The following VIRMA variants were observed in gnomAD, a reference collection of about 807,000 sequenced individuals.
VIRMA encodes vir like m6A methyltransferase associated, also known as protein virilizer homolog.
VIRMA carries 65 observed loss-of-function variants against 182.4 expected under a neutral mutation model. That is an observed-to-expected ratio of 0.36 (90% CI 0.29 to 0.44). The LOEUF (loss-of-function observed/expected upper bound fraction) is 0.44, where lower values mean the gene tolerates loss of function less well. Ranked by LOEUF, VIRMA falls within the 20% of genes least tolerant of loss-of-function variation. VIRMA has a pLI of 1.00. For missense variants in VIRMA, 1,752 were observed against 2,158.1 expected (o/e 0.81, Z 3.73); for synonymous variants, 709 against 743.1 (o/e 0.95, Z 0.75).
In VIRMA at chr8:94,495,867, G is replaced by A; in HGVS notation, c.4408C>T (p.Leu1470=). Residue 1470 remains leucine, a synonymous_variant, in exon 19 of 24, where the codon CTG becomes TTG. Transcript: ENST00000297591. ...ACTACACTGTCCAACAAAGAATCCA[G>A]ATTGTCATCATCTTTTGAATGTTCC... is the stretch of plus-strand genomic sequence containing the variant. The part of the protein sequence containing the change: ...VLEHSKDDDN[L]DSLLDSVVGL... The A allele has an allele frequency of 6.2e-7, 1 of 1,612,956 alleles. No homozygotes were observed. The highest frequency in any genetic ancestry group is 1.6e-4 in the Middle Eastern group (1 of 6,062).
Position 94,517,750 on chromosome 8 carries a change from C to T in VIRMA, c.2668+38G>A, listed in dbSNP as rs1254134761. Reference sequence around the variant, plus strand: ...AGATATTCAAAGGTTTGTTCCTTCACATATTACAAATGCTTAAAATAACTT... The same window carrying T: ...AGATATTCAAAGGTTTGTTCCTTCATATATTACAAATGCTTAAAATAACTT... On this transcript the variant is annotated intron_variant, in intron 10 of 23. Coordinates refer to ENST00000297591, the MANE Select transcript of VIRMA (RefSeq NM_015496.5). The T allele has an allele frequency of 2.1e-6, 3 of 1,456,394 alleles. No individual in the cohort carries two copies. The East Asian group carries it at 7.2e-5, about 35-fold the overall frequency. The allele number at this position is 1,456,394 out of a possible 1,614,324, so 90.2% of individuals were successfully genotyped here.
chr8:94,514,774 T>C (rs1248339553), intron 11 of VIRMA, 95 bp downstream of exon 11: 2 of 662,146 alleles, frequency 3.0e-6, no homozygotes, highest in Non-Finnish European at 5.3e-6. Flanking sequence ...CACTTAACAA[T>C]GTCTACATTA....
At chr8:94,502,197 T>C (rs901577916) in intron 16 of VIRMA, among the ~76,000 whole-genome samples, 1 of 152,074 alleles carries the variant, frequency 6.6e-6, no homozygotes, top group Non-Finnish European at 1.5e-5. Context: ...CTCTTTGTCT[T>C]TTTTAAGTTG....
chr8:94,521,665 C>G (rs1307984357), intron 8 of VIRMA, among the ~76,000 whole-genome samples: 1 of 152,168 alleles, frequency 6.6e-6, no homozygotes, highest in Non-Finnish European at 1.5e-5. Flanking sequence ...ATAAACCCAT[C>G]AAAATACTAC....
intron 2 of VIRMA, among the ~76,000 whole-genome samples, chr8:94,541,317 T>A (rs1423811503): frequency 6.6e-6 from 1 of 151,928 alleles, no homozygotes; most frequent in Admixed American, 6.6e-5. Flanking sequence ...AGATGAGGTC[T>A]CCAAACTCTT....
chr8:94,505,499 G>T (rs921395136), intron 16 of VIRMA, among the ~76,000 whole-genome samples: 1 of 151,712 alleles, frequency 6.6e-6, no homozygotes, highest in African/African-American at 2.4e-5. Flanking sequence ...TTGAGACAAG[G>T]TCTCCCTCTG....
rs985580551 is a variant in VIRMA at position 94,519,610 on chromosome 8, A to T, written c.2022-134T>A. On this transcript the variant is annotated intron_variant, in intron 8 of 23. Coordinates refer to ENST00000297591, the MANE Select transcript of VIRMA (RefSeq NM_015496.5). The stretch of plus-strand genomic sequence containing the variant: ...CTCAGTAATATACTGCTTTAACTGA[A>T]AACATAATGTGAGTGGCAAGTCTTC... 23 of 854,014 alleles carry T rather than the reference A, an allele frequency of 2.7e-5. No homozygotes were observed. In the African/African-American group the frequency reaches 3.9e-4, roughly 14 times the overall value. The allele number at this position is 854,014 out of a possible 1,614,324, so 52.9% of individuals were successfully genotyped here.
rs1028324992 is a variant in VIRMA, at chr8:94,511,863, T to C, written c.2845+133A>G. On this transcript the variant is annotated intron_variant, in intron 12 of 23. Transcript: ENST00000297591. ...AAATGATTTTTATTATGACAAATAT[T>C]TAATTACTTTAATTTAAAATGATAT... is the stretch of plus-strand genomic sequence containing the variant. 29 of 653,638 alleles carry C rather than the reference T, an allele frequency of 4.4e-5. No individual in the cohort carries two copies. The South Asian group carries it at 5.2e-4, about 12-fold the overall frequency. The allele number at this position is 653,638 out of a possible 1,614,324, so 40.5% of individuals were successfully genotyped here. A position where few individuals can be genotyped will look rare whatever the true frequency, so the allele number is the denominator to read the frequency against.
chr8:94,550,501 C>T (rs1382020698), intron 1 of VIRMA, among the ~76,000 whole-genome samples: 1 of 152,012 alleles, frequency 6.6e-6, no homozygotes, highest in Non-Finnish European at 1.5e-5. Flanking sequence ...ACCATGTTAG[C>T]CAGGATGGTC....
At chr8:94,489,916 T>A (rs1813556579) in intron 23 of VIRMA, 23 bp downstream of exon 23, 1 of 1,607,188 alleles carries the variant, frequency 6.2e-7, no homozygotes, top group African/African-American at 1.3e-5. Flanking sequence ...CTCTCAGCAA[T>A]ATCAAGTAGC....
rs974375285 is a variant in VIRMA, at chr8:94,499,495, T to C, written c.4109A>G (p.Lys1370Arg). ...GLFHLKSSLR[K>R]NSSALHSLLK... ...TAAACTATGCAGAGCACTACTGTTT[T>C]TCCTTAAAGAACTGTAAATAAAGAA... The change falls in exon 17 of 24, where the codon AAA becomes AGA. Residue 1370 changes from lysine (K) to arginine (R), a missense_variant. Coordinates refer to ENST00000297591, the MANE Select transcript of VIRMA (RefSeq NM_015496.5). 7 of 1,537,410 alleles carry C rather than the reference T, an allele frequency of 4.6e-6. No individual in the cohort carries two copies. Among genetic ancestry groups the C allele is most frequent in the Non-Finnish European group, 6.3e-6 (7 of 1,117,130 alleles).
chr8:94,521,688 G>C (rs1009317140), intron 8 of VIRMA, among the ~76,000 whole-genome samples: 2 of 152,108 alleles, frequency 1.3e-5, no homozygotes, highest in Non-Finnish European at 2.9e-5. Context: ...AAAAGTAAAT[G>C]ACAGGCCAGA....
At chr8:94,525,947 A>AT (rs1311091727) in intron 8 of VIRMA, among the ~76,000 whole-genome samples, 1 of 152,232 alleles carries the variant, frequency 6.6e-6, no homozygotes, top group African/African-American at 2.4e-5. Flanking sequence ...GCAGTTTCTC[A>AT]TTTATTCTTG....
chr8:94,501,714 T>C (rs978074032), intron 16 of VIRMA, among the ~76,000 whole-genome samples: 19 of 152,126 alleles, frequency 1.2e-4, no homozygotes, highest in Admixed American at 1.2e-3. Flanking sequence ...TCCCAGCATT[T>C]TGGAAGGCAG....
rs1031628021 is a variant in VIRMA, at chr8:94,548,697, C to A, written c.63+4688G>T. Among the ~76,000 whole-genome samples the A allele has an allele frequency of 2.8e-5, 4 of 144,488 alleles. 2 individuals are homozygous for A. The highest frequency in any genetic ancestry group is 5.8e-5 in the African/African-American group (2 of 34,238). The allele number at this position is 144,488 out of a possible 152,430, so 94.8% of individuals were successfully genotyped here. A position where few individuals can be genotyped will look rare whatever the true frequency, so the allele number is the denominator to read the frequency against. ...TTGAGACAGAGTCTCGCTCTGTCGC[C>A]CAGGCTGGAGTGCAGTGGCACGATC... On this transcript the variant is annotated intron_variant, in intron 1 of 23. Transcript: ENST00000297591.
chr8:94,491,625 C>T lies in VIRMA; in HGVS notation c.5093G>A (p.Gly1698Asp). 1 of 1,614,126 alleles carries T rather than the reference C, an allele frequency of 6.2e-7. No homozygotes were observed. The highest frequency in any genetic ancestry group is 8.5e-7 in the Non-Finnish European group (1 of 1,180,006). The change falls in exon 22 of 24, where the codon GGT becomes GAT. Residue 1698 changes from glycine (G) to aspartate (D), a missense_variant. Gly to Asp is a moderately conservative substitution (Grantham distance 94). Transcript: ENST00000297591. ...AAACCTATTCTGACTGTGGAAAGCA[C>T]CCCGTCCTCCTCTATTGCCTGAAAA... is the stretch of plus-strand genomic sequence containing the variant. ...GGFSGNRGGR[G>D]AFHSQNRFFT...
chr8:94,490,893 A>G (rs570050377), intron 22 of VIRMA, among the ~76,000 whole-genome samples: 3 of 152,066 alleles, frequency 2.0e-5, no homozygotes. Context: ...TAAATATAAC[A>G]TTAGAAAACA....
intron 5 of VIRMA, among the ~76,000 whole-genome samples, chr8:94,532,943 G>A (rs1349707467): frequency 2.0e-5 from 3 of 151,780 alleles, no homozygotes; most frequent in African/African-American, 7.3e-5. Flanking sequence ...CCTGGGTGAC[G>A]TAACAAAATC....
chr8:94,539,218 G>C (rs1305684637), intron 2 of VIRMA, among the ~76,000 whole-genome samples: 1 of 152,088 alleles, frequency 6.6e-6, no homozygotes, highest in Non-Finnish European at 1.5e-5. Flanking sequence ...AAAAGAATCA[G>C]GGATTAGCTA....
Sources: allele counts gnomAD v4.1 joint callset (sites outside exome capture counted in the v4.1 genomes callset), GRCh38; gene constraint gnomAD v4.1.1; transcripts MANE v1.5; gene names NCBI Gene and HGNC (gene_info 2026-07-23, HGNC 2026-07-21).